The following FBXW7 variants were observed in gnomAD, a reference collection of about 807,000 sequenced individuals.
FBXW7 encodes F-box and WD repeat domain containing 7.
A neutral mutation model predicts 86.3 loss-of-function variants in FBXW7; 11 were observed. The ratio of observed to expected loss-of-function variants is 0.13; its 90% CI spans 0.08 to 0.21. FBXW7 has a LOEUF of 0.21. FBXW7 is among the 10% of genes least tolerant of loss of function. The pLI is 1.00. For missense variants in FBXW7, 488 were observed against 847.4 expected, an observed-to-expected ratio of 0.58 and a Z score of 5.27; for synonymous variants, 313 against 297.9, an observed-to-expected ratio of 1.05 and a Z score of -0.52.
At chr4:152,432,749 T>C (rs1579185215) in intron 2 of FBXW7, among the ~76,000 whole-genome samples, 1 of 152,172 alleles carries the variant, frequency 6.6e-6, no homozygotes, top group Non-Finnish European at 1.5e-5. Flanking sequence ...GAGGCACAGG[T>C]TGCAGTGAGA....
chr4:152,374,171 A>G (rs1040319325), intron 4 of FBXW7, among the ~76,000 whole-genome samples: 1 of 151,934 alleles, frequency 6.6e-6, no homozygotes, highest in Admixed American at 6.6e-5. Flanking sequence ...ACAAACCAAA[A>G]AAACCCCACC....
intron 2 of FBXW7, among the ~76,000 whole-genome samples, chr4:152,525,718 T>C (rs1749448617): frequency 6.6e-6 from 1 of 152,218 alleles, no homozygotes; most frequent in Admixed American, 6.5e-5. Context: ...GGCATTTAGA[T>C]TGATTCCACA....
intron 4 of FBXW7, among the ~76,000 whole-genome samples, chr4:152,380,000 T>C (rs938067918): frequency 6.6e-6 from 1 of 152,156 alleles, no homozygotes; most frequent in Non-Finnish European, 1.5e-5. Flanking sequence ...CTATGATGAC[T>C]GGAAGGAAAA....
chr4:152,366,048 A>G (rs1733448233), intron 4 of FBXW7, among the ~76,000 whole-genome samples: 1 of 152,198 alleles, frequency 6.6e-6, no homozygotes, highest in South Asian at 2.1e-4. Flanking sequence ...TACAGAAATA[A>G]CAACAGAAAA....
chr4:152,529,187 G>A (rs533364654), intron 2 of FBXW7, among the ~76,000 whole-genome samples: 1 of 152,138 alleles, frequency 6.6e-6, no homozygotes, highest in South Asian at 2.1e-4. Context: ...CTTTTAAATT[G>A]CCACTCATCC....
chr4:152,508,022 C>G (rs994904461), intron 2 of FBXW7, among the ~76,000 whole-genome samples: 1 of 151,642 alleles, frequency 6.6e-6, no homozygotes, highest in African/African-American at 2.4e-5. Flanking sequence ...GAGCTATGAT[C>G]ATACCACTGC....
intron 6 of FBXW7, among the ~76,000 whole-genome samples, chr4:152,345,505 C>T (rs1472942575): frequency 6.6e-6 from 1 of 152,036 alleles, no homozygotes; most frequent in African/African-American, 2.4e-5. Context: ...GCATGGAGAT[C>T]GTCCTTTGTA....
chr4:152,402,477 T>C (rs1165084570), intron 4 of FBXW7, among the ~76,000 whole-genome samples: 1 of 152,208 alleles, frequency 6.6e-6, no homozygotes, highest in Non-Finnish European at 1.5e-5. Context: ...GGTAGCTTTA[T>C]AGGTTATTTC....
chr4:152,324,453 A>G (rs1300825842), intron 12 of FBXW7, 59 bp from the exon 13 acceptor site: 1 of 1,347,556 alleles, frequency 7.4e-7, no homozygotes, highest in Admixed American at 2.0e-5. Flanking sequence ...TCAATTACTG[A>G]CCTTAATCCT....
intron 2 of FBXW7, among the ~76,000 whole-genome samples, chr4:152,414,810 C>A (rs947267858): frequency 3.3e-5 from 5 of 151,976 alleles, no homozygotes; most frequent in Non-Finnish European, 7.4e-5. Context: ...CAGCTCCATT[C>A]TGGATGAAAA....
chr4:152,382,067 C>A, intron 4 of FBXW7: 4 of 557,716 alleles, frequency 7.2e-6, no homozygotes. Flanking sequence ...TTACTGGCTA[C>A]ACAATGCATT....
intron 2 of FBXW7, 76 bp from the exon 3 acceptor site, chr4:152,412,605 A>G (rs1738064445): frequency 6.6e-6 from 1 of 152,078 alleles, no homozygotes; most frequent in Non-Finnish European, 1.5e-5. Flanking sequence ...TAAAGATAAA[A>G]ATAAATGTAA....
chr4:152,350,067 GT>G lies in FBXW7; in HGVS notation c.558del (p.Lys186AsnfsTer53). ...SEVRSFSLGK[K>X]PCKVSEYTST... ...CTTGTATATTCTGAGACTTTGCATG[GT>G]TTCTTTCCCAAAGAAAAAGAGCGGA... On this transcript the variant is annotated frameshift_variant, in exon 5 of 14. Coordinates refer to ENST00000281708, the MANE Select transcript of FBXW7 (RefSeq NM_001349798.2). LOFTEE classifies it high-confidence loss of function. The G allele has an allele frequency of 6.4e-7, 1 of 1,560,764 alleles. No individual in the cohort carries two copies. The highest frequency in any genetic ancestry group is 8.7e-7 in the Non-Finnish European group (1 of 1,147,646).
intron 4 of FBXW7, among the ~76,000 whole-genome samples, chr4:152,377,518 G>A (rs544446724): frequency 5.3e-5 from 8 of 151,630 alleles, no homozygotes; most frequent in South Asian, 4.2e-4. Context: ...CTGGGAGACC[G>A]AGGCAGGTGG....
intron 2 of FBXW7, among the ~76,000 whole-genome samples, chr4:152,450,307 A>T (rs1741794377): frequency 6.6e-6 from 1 of 152,202 alleles, no homozygotes. Context: ...ACAGAATTTT[A>T]AATCCTCATC....
At chr4:152,352,548 G>A (rs532708974) in intron 4 of FBXW7, 14 of 1,613,802 alleles carry the variant, frequency 8.7e-6, no homozygotes, top group Admixed American at 1.7e-5. Flanking sequence ...CTGTGCCCCC[G>A]TGTGTCCGGC....
chr4:152,420,785 CTG>C (rs913191541), intron 2 of FBXW7, among the ~76,000 whole-genome samples: 2 of 151,800 alleles, frequency 1.3e-5, no homozygotes, highest in Non-Finnish European at 2.9e-5. Context: ...ATCTAGCAAA[CTG>C]TGCTGTCATC....
chr4:152,440,844 C>A (rs963136741), intron 2 of FBXW7, among the ~76,000 whole-genome samples: 6 of 152,108 alleles, frequency 3.9e-5, no homozygotes, highest in Admixed American at 3.9e-4. Flanking sequence ...TGACTGTTCA[C>A]ACCACTTTCT....
At chr4:152,382,304 T>C (rs201060253) in intron 4 of FBXW7, 6 of 1,591,352 alleles carry the variant, frequency 3.8e-6, no homozygotes, top group East Asian at 2.3e-5. Flanking sequence ...AACCAAGCCA[T>C]GGTTTAGAGT....
Sources: allele counts gnomAD v4.1 joint callset (sites outside exome capture counted in the v4.1 genomes callset), GRCh38; gene constraint gnomAD v4.1.1; transcripts MANE v1.5; gene names NCBI Gene and HGNC (gene_info 2026-07-23, HGNC 2026-07-21).